Variants in EHMT1 observed in about 807,000 individuals in gnomAD.
EHMT1 encodes histone-lysine N-methyltransferase EHMT1.
EHMT1 carries 15 observed loss-of-function variants against 147.2 expected under a neutral mutation model. The ratio of observed to expected loss-of-function variants is 0.10; its 90% CI spans 0.07 to 0.16. EHMT1 has a LOEUF of 0.16. Among genes scored for constraint, EHMT1 ranks in the 10% least tolerant of loss-of-function variants. The pLI, the probability that EHMT1 is intolerant of heterozygous loss-of-function variation, is 1.00. For synonymous variants in EHMT1, 795 were observed against 709.6 expected (o/e 1.12, Z -1.91); for missense variants, 1,587 against 1,772.4 (o/e 0.90, Z 1.88).
At chr9:137,758,190 G>C (rs932846100) in intron 9 of EHMT1, among the ~76,000 whole-genome samples, 179 bp downstream of exon 9, 31 of 152,318 alleles carry the variant, frequency 2.0e-4, no homozygotes, top group Middle Eastern at 3.4e-3. Flanking sequence ...CGGTGTTCAA[G>C]TGAAGAAAGA....
chr9:137,632,213 T>A (rs1433917558), intron 1 of EHMT1, among the ~76,000 whole-genome samples: 1 of 152,048 alleles, frequency 6.6e-6, no homozygotes, highest in Non-Finnish European at 1.5e-5. Flanking sequence ...TGTCGAGGGG[T>A]TCGATGACTT....
At chr9:137,781,179 CTGGGA>C (rs1951473579) in intron 14 of EHMT1, among the ~76,000 whole-genome samples, 4 of 86,920 alleles carry the variant, frequency 4.6e-5, no homozygotes, top group African/African-American at 4.3e-4. Context: ...GGTGATGACG[CTGGGA>C]CGTGTGGTGA....
chr9:137,633,257 A>T (rs1843743204), intron 1 of EHMT1, among the ~76,000 whole-genome samples: 1 of 152,126 alleles, frequency 6.6e-6, no homozygotes, highest in Non-Finnish European at 1.5e-5. Context: ...ATGCACCAAG[A>T]AGCAAAATCA....
At chr9:137,654,253 G>A (rs190737663) in intron 1 of EHMT1, among the ~76,000 whole-genome samples, 2 of 152,004 alleles carry the variant, frequency 1.3e-5, no homozygotes, top group East Asian at 3.9e-4. Context: ...AGTCCCAGCT[G>A]TTCAAGAGGC....
At chr9:137,655,376 C>A (rs1938332057) in intron 1 of EHMT1, among the ~76,000 whole-genome samples, 1 of 152,140 alleles carries the variant, frequency 6.6e-6, no homozygotes, top group South Asian at 2.1e-4. Flanking sequence ...TTAAAAAAGA[C>A]CTCCTTACTG....
At chr9:137,719,418 C>T (rs1012374488) in intron 3 of EHMT1, among the ~76,000 whole-genome samples, 6 of 152,102 alleles carry the variant, frequency 3.9e-5, no homozygotes, top group African/African-American at 1.2e-4. Flanking sequence ...CTCAGGGGCC[C>T]ACAGCTGCTG....
At chr9:137,801,079 C>T (rs968883817) in intron 18 of EHMT1, 95 bp downstream of exon 18, 57 of 1,134,428 alleles carry the variant, frequency 5.0e-5, no homozygotes, top group Non-Finnish European at 7.2e-5. Context: ...AACCCTGGCA[C>T]CTGGTGGCGG....
rs907106456 is a variant in EHMT1 at position 137,731,340 on chromosome 9, C to A, written c.823+2811C>A. The stretch of plus-strand genomic sequence containing the variant: ...CCCGTGTGTTGTCACCCCAGGGCTT[C>A]CGGAGTGGGCACAGAAGTTACAGTT... On this transcript the variant is annotated intron_variant, in intron 4 of 26. Coordinates refer to ENST00000460843, the MANE Select transcript of EHMT1 (RefSeq NM_024757.5). This position sits in a 1 kb window ranked among gnomAD's most constrained non-coding sequence, Gnocchi z 4.3. 4.6e-5 allele frequency among the ~76,000 whole-genome samples: 7 copies of A among 152,162 alleles called. No individual in the cohort carries two copies. Among genetic ancestry groups the A allele is most frequent in the African/African-American group, 1.7e-4 (7 of 41,436 alleles).
At position 137,779,681 on chromosome 9, in the gene EHMT1, A is replaced by G; in HGVS notation, c.2239A>G (p.Arg747Gly). 1 of 1,613,858 alleles carries G rather than the reference A, an allele frequency of 6.2e-7. No individual in the cohort carries two copies. Among genetic ancestry groups the G allele is most frequent in the Non-Finnish European group, 8.5e-7 (1 of 1,180,042 alleles). The change falls in exon 14 of 27, where the codon AGG (arginine) becomes GGG (glycine). Residue 747 changes from arginine (R) to glycine (G), a missense_variant. By Grantham distance (125) the Arg-to-Gly change is moderately radical. Around this residue, in one of 7 missense-constraint regions of EHMT1, gnomAD observed 201 missense variants for 350.1 expected, o/e 0.57. Coordinates refer to ENST00000460843, the MANE Select transcript of EHMT1 (RefSeq NM_024757.5). ...FHPKQLYFSA[R>G]QGELQKVLLM... ...CCCAAAGCAGCTGTACTTCTCCGCC[A>G]GGCAAGGGGAGCTTCAGAAGGTGCT... is the stretch of plus-strand genomic sequence containing the variant.
At chr9:137,756,234 C>T (rs894825960) in intron 8 of EHMT1, among the ~76,000 whole-genome samples, 7 of 152,220 alleles carry the variant, frequency 4.6e-5, no homozygotes, top group Non-Finnish European at 8.8e-5. Context: ...GCGCAGGCCC[C>T]TTCTTGGCAG....
chr9:137,684,819 A>G (rs1284406574), intron 1 of EHMT1, among the ~76,000 whole-genome samples: 1 of 152,202 alleles, frequency 6.6e-6, no homozygotes, highest in African/African-American at 2.4e-5. Flanking sequence ...CTGAATTATG[A>G]TATAACTAGT....
rs796313783 is a variant in EHMT1 at position 137,731,719 on chromosome 9, G to A, written c.823+3190G>A. ...TTCTGCCCACTCGGCCCAGCAGGCTGTACTTGGCTCATGCTACCGGCCCAG... is the reference window on the plus strand; with the variant it reads ...TTCTGCCCACTCGGCCCAGCAGGCTATACTTGGCTCATGCTACCGGCCCAG... On this transcript the variant is annotated intron_variant, in intron 4 of 26. Transcript: ENST00000460843. The surrounding 1 kb of genome is among the most constrained non-coding windows in gnomAD (Gnocchi z 4.3). 7.2e-5 allele frequency among the ~76,000 whole-genome samples: 11 copies of A among 152,146 alleles called. No individual in the cohort carries two copies. The highest frequency in any genetic ancestry group is 2.7e-4 in the African/African-American group (11 of 41,430).
At chr9:137,797,911 T>C (rs1403695911) in intron 16 of EHMT1, among the ~76,000 whole-genome samples, 1 of 152,186 alleles carries the variant, frequency 6.6e-6, no homozygotes, top group Non-Finnish European at 1.5e-5. Context: ...AAGAACCCTG[T>C]GTAAGGCGTG....
intron 18 of EHMT1, among the ~76,000 whole-genome samples, chr9:137,806,937 G>A (rs1346762590): frequency 6.6e-6 from 1 of 152,176 alleles, no homozygotes; most frequent in Non-Finnish European, 1.5e-5. Flanking sequence ...TTATATGGCT[G>A]CTTTTAAAAT....
intron 3 of EHMT1, among the ~76,000 whole-genome samples, chr9:137,721,841 C>G (rs2135633850): frequency 6.6e-6 from 1 of 152,314 alleles, no homozygotes; most frequent in African/African-American, 2.4e-5. Flanking sequence ...AGCTTCTCTT[C>G]TTTCTCTCAA....
At chr9:137,803,694 G>C (rs929538836) in intron 18 of EHMT1, among the ~76,000 whole-genome samples, 2 of 151,996 alleles carry the variant, frequency 1.3e-5, no homozygotes, top group Admixed American at 1.3e-4. Context: ...CATTTTCAGA[G>C]ACTGCCAGTA....
chr9:137,721,483 A>C, intron 3 of EHMT1, among the ~76,000 whole-genome samples: 1 of 33,750 alleles, frequency 3.0e-5, no homozygotes, highest in African/African-American at 1.5e-4. Context: ...ACCCTCTCCC[A>C]CGCCTCTCAC....
At chr9:137,643,387 C>A (rs1844643114) in intron 1 of EHMT1, among the ~76,000 whole-genome samples, 1 of 139,786 alleles carries the variant, frequency 7.2e-6, no homozygotes, top group African/African-American at 2.7e-5. Flanking sequence ...CTCGCCCAGG[C>A]TGGAGTGCAG....
chr9:137,688,834 G>A (rs992459126), intron 1 of EHMT1, among the ~76,000 whole-genome samples: 3 of 152,192 alleles, frequency 2.0e-5, no homozygotes, highest in Non-Finnish European at 2.9e-5. Context: ...GAAGGTTTGT[G>A]TCATCCACCG....
Sources: allele counts gnomAD v4.1 joint callset (sites outside exome capture counted in the v4.1 genomes callset), GRCh38; gene constraint gnomAD v4.1.1; regional missense constraint gnomAD v4.1.1; non-coding constraint Gnocchi (gnomAD v3.1); transcripts MANE v1.5; gene names NCBI Gene and HGNC (gene_info 2026-07-23, HGNC 2026-07-21).